SOX5: variants seen among roughly 807,000 people sequenced by gnomAD.
The protein encoded by SOX5 is SRY-box transcription factor 5, also known as transcription factor SOX-5.
In SOX5, 9 loss-of-function variants were observed where a neutral mutation model predicts 92.0. The ratio of observed to expected loss-of-function variants is 0.10; its 90% CI spans 0.06 to 0.17. The LOEUF is 0.17. Among genes scored for constraint, SOX5 ranks in the 10% least tolerant of loss-of-function variants. The pLI is 1.00. For synonymous variants in SOX5, 344 were observed against 336.3 expected, an observed-to-expected ratio of 1.02 and a Z score of -0.25; for missense variants, 642 against 944.5, an observed-to-expected ratio of 0.68 and a Z score of 4.20.
chr12:23,557,995 C>A (rs887431713), intron 11 of SOX5, among the ~76,000 whole-genome samples: 1 of 149,916 alleles, frequency 6.7e-6, no homozygotes, highest in African/African-American at 2.4e-5. Flanking sequence ...AAAAAAAGAC[C>A]CTGGACATGT....
intron 1 of SOX5, chr12:24,460,580 T>C (rs1044313813): frequency 6.6e-6 from 1 of 152,186 alleles, no homozygotes; most frequent in Non-Finnish European, 1.5e-5. Context: ...CCAGAATTGT[T>C]TTTACTTGGA....
intron 9 of SOX5, among the ~76,000 whole-genome samples, chr12:23,593,384 G>A (rs760295823): frequency 6.6e-6 from 1 of 152,112 alleles, no homozygotes; most frequent in Non-Finnish European, 1.5e-5. Context: ...CTGAGTGTTA[G>A]CAGTAATGAG....
chr12:24,011,154 A>C (rs12311849), intron 4 of SOX5, among the ~76,000 whole-genome samples: 32,371 of 152,172 alleles, frequency 0.21, 3,649 homozygotes, highest in Non-Finnish European at 0.24. Flanking sequence ...CTTGTAATAC[A>C]GCAGGGCTAC....
intron 2 of SOX5, among the ~76,000 whole-genome samples, chr12:24,361,649 G>GCAT (rs1435936628): frequency 6.6e-6 from 1 of 151,640 alleles, no homozygotes; most frequent in East Asian, 1.9e-4. Context: ...GTGTGTGTGC[G>GCAT]CATGCACGTG....
In SOX5 at chr12:23,744,368, T is replaced by C. The variant is rs560341361; in HGVS notation, c.569-3329A>G. On this transcript the variant is annotated intron_variant, in intron 4 of 14. Transcript: ENST00000451604. The stretch of plus-strand genomic sequence containing the variant: ...AGATTGTCCCCCAGCCCTATTAACC[T>C]ATTTTTAGATGCAGAATGGGGTATC... Among the ~76,000 whole-genome samples, 3 of 152,198 alleles carry C rather than the reference T, an allele frequency of 2.0e-5. No homozygotes were observed. The South Asian group carries it at 6.2e-4, about 31-fold the overall frequency.
chr12:23,868,510 G>A (rs538782302), intron 2 of SOX5, among the ~76,000 whole-genome samples: 23 of 152,090 alleles, frequency 1.5e-4, no homozygotes, highest in Admixed American at 3.9e-4. Context: ...ACTTTTGCTC[G>A]TGGTAATCTC....
intron 6 of SOX5, among the ~76,000 whole-genome samples, chr12:23,698,663 T>C (rs947799194): frequency 6.6e-6 from 1 of 152,202 alleles, no homozygotes; most frequent in African/African-American, 2.4e-5. Flanking sequence ...TTGTGTGATT[T>C]CTTGCTTCTT....
chr12:24,272,103 T>C (rs900348183), intron 3 of SOX5, among the ~76,000 whole-genome samples: 1 of 152,196 alleles, frequency 6.6e-6, no homozygotes, highest in Non-Finnish European at 1.5e-5. Flanking sequence ...CAATATTGGA[T>C]CTTTTCAATG....
At chr12:24,415,754 A>G (rs1175362263) in intron 1 of SOX5, among the ~76,000 whole-genome samples, 9 of 152,216 alleles carry the variant, frequency 5.9e-5, no homozygotes, top group Non-Finnish European at 1.2e-4. Flanking sequence ...CACACGTAGT[A>G]TTGTTGAGCA....
At chr12:23,797,511 C>T (rs1204308481) in intron 3 of SOX5, among the ~76,000 whole-genome samples, 4 of 151,798 alleles carry the variant, frequency 2.6e-5, no homozygotes, top group Non-Finnish European at 5.9e-5. Context: ...GCACCCCTCT[C>T]GCCCTTCCAC....
chr12:24,530,688 C>G (rs112798843), intron 1 of SOX5, among the ~76,000 whole-genome samples: 1 of 149,302 alleles, frequency 6.7e-6, no homozygotes, highest in Non-Finnish European at 1.5e-5. Flanking sequence ...CTTCTCTACT[C>G]GTATCTAATA....
chr12:24,512,799 C>T (rs963638739), intron 1 of SOX5, among the ~76,000 whole-genome samples: 5 of 152,188 alleles, frequency 3.3e-5, no homozygotes, highest in Non-Finnish European at 7.3e-5. Context: ...AGGGTTATCT[C>T]TAAAGTCAAG....
At chr12:24,434,418 C>T (rs1939003223) in intron 1 of SOX5, among the ~76,000 whole-genome samples, 1 of 152,150 alleles carries the variant, frequency 6.6e-6, no homozygotes, top group Admixed American at 6.5e-5. Context: ...ATGCAAAAAG[C>T]TCAGCTATTA....
chr12:23,739,475 C>T (rs2093718866), intron 5 of SOX5, among the ~76,000 whole-genome samples: 1 of 152,160 alleles, frequency 6.6e-6, no homozygotes, highest in Non-Finnish European at 1.5e-5. Context: ...GATATTAGAA[C>T]GATTACTTTT....
chr12:23,859,913 T>C (rs555389768), intron 2 of SOX5, among the ~76,000 whole-genome samples: 1 of 152,218 alleles, frequency 6.6e-6, no homozygotes, highest in African/African-American at 2.4e-5. Context: ...TGCCCATAAA[T>C]GACTGGATAA....
rs76524784 is a variant in SOX5 at position 24,085,142 on chromosome 12, A to C, written c.-2+128201T>G. Among the ~76,000 whole-genome samples the C allele has an allele frequency of 6.4e-3, 969 of 152,226 alleles. 9 individuals carry two copies. The highest frequency in any genetic ancestry group is 0.033 in the South Asian group (159 of 4,816). On this transcript the variant is annotated intron_variant, in intron 4 of 4. Coordinates refer to the SOX5 transcript ENST00000446891. ...CCTACTGGATTCCTCTGTTCAAATT[A>C]AAAAGATACTTTCTTTTGCCTGACC...
intron 13 of SOX5, among the ~76,000 whole-genome samples, chr12:23,541,957 A>G (rs1942144194): frequency 6.6e-6 from 1 of 152,124 alleles, no homozygotes; most frequent in South Asian, 2.1e-4. Flanking sequence ...CGAAAATACA[A>G]AAGTTAGTTG....
chr12:23,585,973 C>T (rs1056518587), intron 9 of SOX5, among the ~76,000 whole-genome samples: 4 of 152,090 alleles, frequency 2.6e-5, no homozygotes, highest in East Asian at 1.9e-4. Flanking sequence ...CTCCTGGGCC[C>T]TATGTGAATC....
chr12:23,813,719 A>G (rs578205465), intron 3 of SOX5, among the ~76,000 whole-genome samples: 13 of 152,126 alleles, frequency 8.5e-5, no homozygotes, highest in Non-Finnish European at 1.8e-4. Context: ...TGCATGCTTG[A>G]ATTTTATTTA....
Sources: gnomAD v4.1 joint callset for allele counts (sites outside exome capture counted in the v4.1 genomes callset) on GRCh38, gnomAD v4.1.1 for gene constraint, MANE v1.5 for transcripts, NCBI Gene and HGNC (gene_info 2026-07-23, HGNC 2026-07-21) for gene names.